PTPRD: variants seen among roughly 807,000 people sequenced by gnomAD.
The protein encoded by PTPRD is receptor-type tyrosine-protein phosphatase delta.
A neutral mutation model predicts 214.5 loss-of-function variants in PTPRD; 34 were observed. That is an observed-to-expected ratio of 0.16 (90% CI 0.12 to 0.21). The LOEUF (loss-of-function observed/expected upper bound fraction) is 0.21. Ranked by LOEUF, PTPRD falls within the 10% of genes least tolerant of loss-of-function variation. PTPRD has a pLI of 1.00. For synonymous variants in PTPRD, 1,128 were observed against 845.7 expected, an observed-to-expected ratio of 1.33 and a Z score of -5.79; for missense variants, 2,545 against 2,398.7, an observed-to-expected ratio of 1.06 and a Z score of -1.27.
rs529916391 is a variant in PTPRD, at chr9:8,957,078, C to T, written c.-104+61619G>A. On this transcript the variant is annotated intron_variant, in intron 11 of 45. Transcript: ENST00000381196. ...CTCTTCCTTTACCACTGAATAGTCC[C>T]TTTACTACATCAGTAGTCAAATCCT... Among the ~76,000 whole-genome samples, 22 of 151,960 alleles carry T rather than the reference C, an allele frequency of 1.4e-4. No individual in the cohort carries two copies. The South Asian group carries it at 2.9e-3, about 20-fold the overall frequency.
intron 5 of PTPRD, among the ~76,000 whole-genome samples, chr9:9,861,754 T>C (rs1600101078): frequency 6.6e-6 from 1 of 152,116 alleles, no homozygotes; most frequent in East Asian, 1.9e-4. Flanking sequence ...AGTAAATAAA[T>C]TCATAAAATT....
chr9:10,324,293 G>C (rs781090983), intron 3 of PTPRD, among the ~76,000 whole-genome samples: 1 of 151,968 alleles, frequency 6.6e-6, no homozygotes, highest in Non-Finnish European at 1.5e-5. Context: ...TAAACAAATA[G>C]TATCAATGCA....
At chr9:9,918,523 G>C (rs1344916612) in intron 5 of PTPRD, among the ~76,000 whole-genome samples, 4 of 151,840 alleles carry the variant, frequency 2.6e-5, no homozygotes, top group Non-Finnish European at 5.9e-5. Context: ...AAAATGTCAA[G>C]GATATTCTTC....
At chr9:9,641,946 C>T (rs2095973777) in intron 7 of PTPRD, among the ~76,000 whole-genome samples, 1 of 151,996 alleles carries the variant, frequency 6.6e-6, no homozygotes, top group African/African-American at 2.4e-5. Flanking sequence ...AATCATGCTG[C>T]TATAAAGACA....
chr9:9,656,548 T>TA (rs1289592510), intron 7 of PTPRD, among the ~76,000 whole-genome samples: 4 of 152,246 alleles, frequency 2.6e-5, no homozygotes. Flanking sequence ...CATGAAATTC[T>TA]AAAAAATAAT....
At chr9:9,637,174 G>T (rs1161305274) in intron 7 of PTPRD, among the ~76,000 whole-genome samples, 1 of 152,062 alleles carries the variant, frequency 6.6e-6, no homozygotes, top group Non-Finnish European at 1.5e-5. Flanking sequence ...CTCCACCCCA[G>T]AACCCCCAAA....
At chr9:10,256,733 T>C (rs1192187381) in intron 3 of PTPRD, among the ~76,000 whole-genome samples, 1 of 152,190 alleles carries the variant, frequency 6.6e-6, no homozygotes, top group East Asian at 1.9e-4. Flanking sequence ...ATTTTATCTG[T>C]TCTACCTGCT....
chr9:8,726,589 ATATATATATATATAT>A lies in PTPRD; in HGVS notation c.64+7176_64+7190del, dbSNP rs2098567642. Among the ~76,000 whole-genome samples, 22 of 12,916 alleles carry A rather than the reference ATATATATATATATAT, an allele frequency of 1.7e-3. 5 individuals are homozygous for A. Among genetic ancestry groups the A allele is most frequent in the East Asian group, 3.3e-3 (1 of 300 alleles). The allele number at this position is 12,916 out of a possible 152,430, so 8.5% of individuals were successfully genotyped here. The stretch of plus-strand genomic sequence containing the variant: ...TCTACTAAAAAAAAAAAAAAAAAAA[ATATATATATATATAT>A]ATATATATATATATATATATATATA... On this transcript the variant is annotated intron_variant, in intron 12 of 45. Coordinates refer to ENST00000381196, the MANE Select transcript of PTPRD (RefSeq NM_002839.4).
intron 2 of PTPRD, among the ~76,000 whole-genome samples, chr9:10,393,892 C>A (rs2098119517): frequency 6.7e-6 from 1 of 148,212 alleles, no homozygotes; most frequent in African/African-American, 2.4e-5. Flanking sequence ...GTGACTAAAT[C>A]CATATTGTGG....
intron 14 of PTPRD, among the ~76,000 whole-genome samples, chr9:8,628,412 T>C (rs1255576158): frequency 2.6e-5 from 4 of 151,860 alleles, no homozygotes; most frequent in Non-Finnish European, 4.4e-5. Flanking sequence ...CTATTTCCCA[T>C]TGCAGTGCCT....
At chr9:9,054,728 G>A (rs2099693074) in intron 10 of PTPRD, among the ~76,000 whole-genome samples, 1 of 152,130 alleles carries the variant, frequency 6.6e-6, no homozygotes, top group African/African-American at 2.4e-5. Context: ...TGGTGTGTTT[G>A]CCATTGTTGT....
At chr9:8,523,612 T>G in intron 18 of PTPRD, 88 bp from the exon 19 acceptor site, 5 of 1,424,446 alleles carry the variant, frequency 3.5e-6, no homozygotes, top group African/African-American at 1.4e-5. Context: ...AAAAAGGCCA[T>G]ATCAAGGCTT....
At chr9:10,291,926 G>C (rs1168034472) in intron 3 of PTPRD, among the ~76,000 whole-genome samples, 1 of 152,056 alleles carries the variant, frequency 6.6e-6, no homozygotes, top group East Asian at 1.9e-4. Flanking sequence ...CTGAGTGGCA[G>C]TGATGGCTGT....
At chr9:8,508,073 C>A (rs1998515) in intron 21 of PTPRD, among the ~76,000 whole-genome samples, 29,608 of 152,072 alleles carry the variant, frequency 0.19, 3,112 homozygotes, top group East Asian at 0.27. Flanking sequence ...ATTTAAAGAA[C>A]TACACCTAAT....
chr9:9,033,414 G>A (rs1251069479), intron 10 of PTPRD, among the ~76,000 whole-genome samples: 1 of 152,062 alleles, frequency 6.6e-6, no homozygotes, highest in Non-Finnish European at 1.5e-5. Context: ...TCCACTCAGA[G>A]CTTTCCAATC....
At chr9:10,564,139 C>T (rs2064880502) in intron 2 of PTPRD, among the ~76,000 whole-genome samples, 1 of 129,394 alleles carries the variant, frequency 7.7e-6, no homozygotes, top group African/African-American at 2.8e-5. Flanking sequence ...GCTGGGACTA[C>T]TCGGGAGTGT....
chr9:10,147,231 G>C (rs1283628862), intron 3 of PTPRD, among the ~76,000 whole-genome samples: 1 of 151,786 alleles, frequency 6.6e-6, no homozygotes, highest in African/African-American at 2.4e-5. Context: ...GGAACACTGG[G>C]GGAGGAGAAA....
intron 11 of PTPRD, among the ~76,000 whole-genome samples, chr9:8,811,090 A>C (rs1475847719): frequency 6.6e-6 from 1 of 152,202 alleles, no homozygotes; most frequent in African/African-American, 2.4e-5. Context: ...AAGTTGACCA[A>C]GGGGATCTGA....
intron 2 of PTPRD, among the ~76,000 whole-genome samples, chr9:10,413,722 C>A (rs1274723561): frequency 3.3e-5 from 5 of 151,870 alleles, no homozygotes; most frequent in African/African-American, 4.8e-5. Flanking sequence ...TACGTGGCTA[C>A]AGTATACAAA....
Sources: allele counts gnomAD v4.1 joint callset (sites outside exome capture counted in the v4.1 genomes callset), GRCh38; gene constraint gnomAD v4.1.1; transcripts MANE v1.5; gene names NCBI Gene and HGNC (gene_info 2026-07-23, HGNC 2026-07-21).